CCDC178: variants seen among roughly 807,000 people sequenced by gnomAD.
CCDC178 encodes the protein coiled-coil domain containing 178, also known as coiled-coil domain-containing protein 178.
Under a neutral mutation model 117.4 loss-of-function variants are expected in CCDC178, and 126 were observed. That is an observed-to-expected ratio of 1.07 (90% CI 0.93 to 1.24). CCDC178 has a LOEUF of 1.24. Ranked by LOEUF, CCDC178 falls within the 50% of genes most tolerant of loss-of-function variation. The pLI, the probability that CCDC178 is intolerant of heterozygous loss-of-function variation, is 0.00. For missense variants in CCDC178, 1,030 were observed against 986.9 expected, an observed-to-expected ratio of 1.04 and a Z score of -0.59; for synonymous variants, 283 against 313.4, an observed-to-expected ratio of 0.90 and a Z score of 1.02.
At chr18:33,339,012 A>G (rs1050558989) in intron 9 of CCDC178, among the ~76,000 whole-genome samples, 2 of 152,184 alleles carry the variant, frequency 1.3e-5, no homozygotes, top group Non-Finnish European at 2.9e-5. Flanking sequence ...ATTCCATAAG[A>G]AATCACAGGG....
chr18:33,271,476 A>G (rs974646080), intron 12 of CCDC178, among the ~76,000 whole-genome samples: 2 of 151,614 alleles, frequency 1.3e-5, no homozygotes, highest in African/African-American at 4.8e-5. Flanking sequence ...AAGTGGCTAG[A>G]TTAATATCAG....
chr18:33,338,979 A>T (rs2062778964), intron 9 of CCDC178, among the ~76,000 whole-genome samples: 2 of 152,176 alleles, frequency 1.3e-5, no homozygotes, highest in Admixed American at 1.3e-4. Flanking sequence ...ATGCAAATTA[A>T]CCAGCAACTT....
chr18:32,963,472 C>A (rs529033932), intron 22 of CCDC178, among the ~76,000 whole-genome samples: 1 of 151,962 alleles, frequency 6.6e-6, no homozygotes, highest in African/African-American at 2.4e-5. Flanking sequence ...AATTATTATT[C>A]CTGAATATTT....
chr18:33,059,309 C>T (rs917632001), intron 21 of CCDC178, among the ~76,000 whole-genome samples: 1 of 152,072 alleles, frequency 6.6e-6, no homozygotes, highest in African/African-American at 2.4e-5. Flanking sequence ...AGTAGCTCTG[C>T]CTTCAATATT....
At chr18:33,340,071 G>T (rs117783260) in intron 9 of CCDC178, among the ~76,000 whole-genome samples, 1 of 152,112 alleles carries the variant, frequency 6.6e-6, no homozygotes, top group Admixed American at 6.6e-5. Context: ...ACCCCCTAGA[G>T]ACTTGCTGAA....
chr18:33,142,121 G>T (rs2058213683), intron 20 of CCDC178, among the ~76,000 whole-genome samples: 1 of 152,126 alleles, frequency 6.6e-6, no homozygotes, highest in Non-Finnish European at 1.5e-5. Flanking sequence ...AGACAAAAGT[G>T]GATGAAAAAC....
Position 33,351,099 on chromosome 18 carries a change from C to T in CCDC178, c.372-2124G>A, listed in dbSNP as rs28882378. ...CTTGTGTCACATGTTAACTAATTTT[C>T]GTATGCTAAACCACTCTTGCATTTC... is the stretch of plus-strand genomic sequence containing the variant. On this transcript the variant is annotated intron_variant, in intron 7 of 22. Coordinates refer to ENST00000383096, the MANE Select transcript of CCDC178 (RefSeq NM_001105528.4). 9.3e-3 allele frequency among the ~76,000 whole-genome samples: 1,397 copies of T among 150,438 alleles called. 16 individuals are homozygous for T. The highest frequency in any genetic ancestry group is 0.032 in the African/African-American group (1,317 of 40,824).
Position 33,005,068 on chromosome 18 carries a change from A to G in CCDC178, c.2389-30387T>C, listed in dbSNP as rs541396905. 3.3e-5 allele frequency among the ~76,000 whole-genome samples: 5 copies of G among 152,180 alleles called. No individual in the cohort carries two copies. In the East Asian group the frequency reaches 9.7e-4, roughly 29 times the overall value. The stretch of plus-strand genomic sequence containing the variant: ...GAAAATAGTTTGGAGGTTGTTCAAA[A>G]AACTAAAAATAGAGCTCCCATATGA... On this transcript the variant is annotated intron_variant, in intron 21 of 22. Transcript: ENST00000383096.
intron 2 of CCDC178, among the ~76,000 whole-genome samples, chr18:33,432,503 AC>A (rs2064234703): frequency 6.6e-6 from 1 of 151,144 alleles, no homozygotes; most frequent in Non-Finnish European, 1.5e-5. Context: ...ACACACACAC[AC>A]ACACACACAC....
chr18:33,373,023 T>C (rs1420928481), intron 5 of CCDC178, among the ~76,000 whole-genome samples: 1 of 152,170 alleles, frequency 6.6e-6, no homozygotes, highest in African/African-American at 2.4e-5. Context: ...GTAACATAAG[T>C]CAGTGCTCTT....
At chr18:33,411,144 T>C (rs2063845658) in intron 3 of CCDC178, among the ~76,000 whole-genome samples, 1 of 152,194 alleles carries the variant, frequency 6.6e-6, no homozygotes, top group Non-Finnish European at 1.5e-5. Flanking sequence ...TGAATGTTCA[T>C]GATGCTGTAT....
At chr18:32,949,939 A>G (rs2144619942) in intron 22 of CCDC178, among the ~76,000 whole-genome samples, 2 of 152,302 alleles carry the variant, frequency 1.3e-5, no homozygotes, top group African/African-American at 2.4e-5. Context: ...GAATAGAATT[A>G]CGTTAGCATA....
intron 11 of CCDC178, among the ~76,000 whole-genome samples, chr18:33,317,031 A>G (rs1287068927): frequency 6.6e-6 from 1 of 152,152 alleles, no homozygotes; most frequent in African/African-American, 2.4e-5. Flanking sequence ...AAAATGGACT[A>G]ATCAGCAGGA....
At chr18:33,121,433 G>C (rs2057935801) in intron 20 of CCDC178, among the ~76,000 whole-genome samples, 1 of 152,044 alleles carries the variant, frequency 6.6e-6, no homozygotes, top group Non-Finnish European at 1.5e-5. Flanking sequence ...ATAAACAAAA[G>C]AACAAACATA....
At chr18:33,222,326 T>C (rs1168399284) in intron 18 of CCDC178, among the ~76,000 whole-genome samples, 1 of 147,760 alleles carries the variant, frequency 6.8e-6, no homozygotes, top group Non-Finnish European at 1.5e-5. Flanking sequence ...CTTCCCTCCC[T>C]TCCTTCCTTC....
At chr18:33,155,101 T>C (rs1234514173) in intron 20 of CCDC178, among the ~76,000 whole-genome samples, 1 of 152,086 alleles carries the variant, frequency 6.6e-6, no homozygotes, top group East Asian at 1.9e-4. Flanking sequence ...TTCACCTAAA[T>C]AGACAATAAA....
intron 10 of CCDC178, among the ~76,000 whole-genome samples, chr18:33,328,380 C>T (rs2062617694): frequency 1.3e-5 from 2 of 152,048 alleles, no homozygotes; most frequent in Admixed American, 1.3e-4. Context: ...GGATTACAGG[C>T]GTGAACCACT....
intron 11 of CCDC178, among the ~76,000 whole-genome samples, chr18:33,315,433 C>T (rs2062401904): frequency 6.6e-6 from 1 of 152,122 alleles, no homozygotes; most frequent in African/African-American, 2.4e-5. Flanking sequence ...AACAGGCCAG[C>T]CCTGATTTCA....
chr18:33,047,741 C>G (rs1052153500), intron 21 of CCDC178, among the ~76,000 whole-genome samples: 16 of 152,180 alleles, frequency 1.1e-4, no homozygotes, highest in African/African-American at 3.9e-4. Context: ...TAAGTCTCTA[C>G]AGTGAAGCCC....
Sources: gnomAD v4.1 joint callset for allele counts (sites outside exome capture counted in the v4.1 genomes callset) on GRCh38, gnomAD v4.1.1 for gene constraint, MANE v1.5 for transcripts, NCBI Gene and HGNC (gene_info 2026-07-23, HGNC 2026-07-21) for gene names.